PEX14: variants seen among roughly 807,000 people sequenced by gnomAD.
PEX14 encodes the protein peroxisomal biogenesis factor 14, also known as peroxisomal membrane protein PEX14.
Under a neutral mutation model 49.5 loss-of-function variants are expected in PEX14, and 15 were observed. That is an observed-to-expected ratio of 0.30 (90% confidence interval 0.20 to 0.47). PEX14 has a LOEUF of 0.47. Ranked by LOEUF, PEX14 falls within the 20% of genes least tolerant of loss-of-function variation. The pLI is 1.00. For synonymous variants in PEX14, 210 were observed against 212.7 expected, an observed-to-expected ratio of 0.99 and a Z score of 0.11; for missense variants, 398 against 494.8, an observed-to-expected ratio of 0.80 and a Z score of 1.86.
At chr1:10,572,234 T>C (rs1425223403) in intron 3 of PEX14, among the ~76,000 whole-genome samples, 1 of 152,076 alleles carries the variant, frequency 6.6e-6, no homozygotes, top group African/African-American at 2.4e-5. Flanking sequence ...ATAAATAAAT[T>C]AACAGGATAT....
intron 2 of PEX14, among the ~76,000 whole-genome samples, chr1:10,510,642 C>T (rs1180114382): frequency 6.6e-6 from 1 of 152,134 alleles, no homozygotes; most frequent in Non-Finnish European, 1.5e-5. Context: ...TTGCTAAGCC[C>T]TGTATGGGTT....
intron 2 of PEX14, among the ~76,000 whole-genome samples, chr1:10,519,189 C>T (rs950626148): frequency 1.3e-5 from 2 of 152,088 alleles, no homozygotes; most frequent in African/African-American, 2.4e-5. Context: ...CTCCTCAGCC[C>T]AGCCGTGACA....
intron 3 of PEX14, among the ~76,000 whole-genome samples, chr1:10,549,942 C>T (rs777948198): frequency 1.3e-5 from 2 of 152,108 alleles, no homozygotes; most frequent in Non-Finnish European, 2.9e-5. Flanking sequence ...TCATCCACCA[C>T]CCATCCATCC....
intron 3 of PEX14, among the ~76,000 whole-genome samples, chr1:10,591,829 C>T (rs1640677316): frequency 6.6e-6 from 1 of 152,158 alleles, no homozygotes; most frequent in African/African-American, 2.4e-5. Flanking sequence ...TCAGGCTGCC[C>T]ATGCTCCCCG....
chr1:10,557,279 T>A (rs1341700424), intron 3 of PEX14, among the ~76,000 whole-genome samples: 4 of 152,220 alleles, frequency 2.6e-5, no homozygotes, highest in Non-Finnish European at 5.9e-5. Context: ...GTGATTACCT[T>A]TGTGGGGTAA....
intron 3 of PEX14, among the ~76,000 whole-genome samples, chr1:10,578,199 A>G (rs905818702): frequency 4.6e-5 from 7 of 152,176 alleles, no homozygotes; most frequent in African/African-American, 1.2e-4. Flanking sequence ...CTGCCCATGC[A>G]CAGGGGAAGT....
intron 2 of PEX14, among the ~76,000 whole-genome samples, chr1:10,499,701 C>T (rs1397895804): frequency 6.6e-6 from 1 of 152,120 alleles, no homozygotes; most frequent in Non-Finnish European, 1.5e-5. Flanking sequence ...CCCACCTTGG[C>T]CTCCCAAAGT....
chr1:10,506,188 T>G (rs948071690), intron 2 of PEX14, among the ~76,000 whole-genome samples: 2 of 152,204 alleles, frequency 1.3e-5, no homozygotes, highest in African/African-American at 4.8e-5. Flanking sequence ...AGCTAGTTTG[T>G]CCCTAAACCT....
chr1:10,621,922 C>T (rs569222330), intron 5 of PEX14, among the ~76,000 whole-genome samples: 62 of 152,190 alleles, frequency 4.1e-4, no homozygotes, highest in African/African-American at 1.4e-3. Flanking sequence ...CTATCTGGGC[C>T]CAGATAGATT....
At chr1:10,489,634 A>G (rs1641436080) in intron 1 of PEX14, among the ~76,000 whole-genome samples, 1 of 152,148 alleles carries the variant, frequency 6.6e-6, no homozygotes, top group Admixed American at 6.5e-5. Context: ...TTCAGCAGAG[A>G]CCTGAGGGAA....
At chr1:10,620,291 CAATAA>C (rs59926174) in intron 5 of PEX14, among the ~76,000 whole-genome samples, 28,655 of 142,194 alleles carry the variant, frequency 0.2, 3,631 homozygotes, top group African/African-American at 0.36. Context: ...CTCTACCAAA[CAATAA>C]AATAAAATAA....
intron 2 of PEX14, among the ~76,000 whole-genome samples, chr1:10,520,481 C>G (rs1638251423): frequency 6.6e-6 from 1 of 152,054 alleles, no homozygotes. Context: ...TTCTACTTCC[C>G]TTATGGTGGC....
chr1:10,599,480 A>C, intron 4 of PEX14, 114 bp downstream of exon 4: 1 of 1,257,560 alleles, frequency 8.0e-7, no homozygotes, highest in Non-Finnish European at 1.2e-6. Context: ...TGGGAGCAGC[A>C]GAAAGCTCTT....
intron 3 of PEX14, among the ~76,000 whole-genome samples, chr1:10,554,799 C>A (rs1639438530): frequency 6.6e-6 from 1 of 152,042 alleles, no homozygotes; most frequent in Admixed American, 6.6e-5. Context: ...CTGCAACCTC[C>A]ATCTCCTGGG....
At chr1:10,618,310 C>T (rs910462586) in intron 4 of PEX14, 22 bp from the exon 5 acceptor site, 5 of 1,606,634 alleles carry the variant, frequency 3.1e-6, no homozygotes, top group Non-Finnish European at 2.6e-6. Flanking sequence ...TCTTCTAACC[C>T]TCCTCCTCTT....
intron 3 of PEX14, among the ~76,000 whole-genome samples, chr1:10,554,133 C>CAAAAAAAAAAAA (rs33963510): frequency 2.7e-5 from 3 of 111,078 alleles, no homozygotes; most frequent in African/African-American, 1.1e-4. Flanking sequence ...ACTAAAAATA[C>CAAAAAAAAAAAA]AAAAAAAAAA....
chr1:10,499,039 T>C (rs547714736), intron 2 of PEX14, among the ~76,000 whole-genome samples: 4 of 152,360 alleles, frequency 2.6e-5, no homozygotes, highest in Admixed American at 6.5e-5. Context: ...TCTATAAGTA[T>C]TTTAGAATGG....
chr1:10,573,208 C>T (rs1230626424), intron 3 of PEX14, among the ~76,000 whole-genome samples: 1 of 152,202 alleles, frequency 6.6e-6, no homozygotes, highest in African/African-American at 2.4e-5. Flanking sequence ...ATATTTTATT[C>T]ATCTGACGGA....
chr1:10,509,240 G>A (rs543387966), intron 2 of PEX14, among the ~76,000 whole-genome samples: 26 of 152,242 alleles, frequency 1.7e-4, no homozygotes, highest in Admixed American at 1.1e-3. Flanking sequence ...GAGCCACCGC[G>A]CCCGGCAAAG....
Sources: gnomAD v4.1 joint callset for allele counts (sites outside exome capture counted in the v4.1 genomes callset) on GRCh38, gnomAD v4.1.1 for gene constraint, MANE v1.5 for transcripts, NCBI Gene and HGNC (gene_info 2026-07-23, HGNC 2026-07-21) for gene names.